CTNNA3: variants seen among roughly 807,000 people sequenced by gnomAD.
CTNNA3 encodes catenin alpha-3.
CTNNA3 carries 76 observed loss-of-function variants against 95.7 expected under a neutral mutation model. The ratio of observed to expected loss-of-function variants is 0.79; its 90% confidence interval spans 0.66 to 0.96. CTNNA3 has a LOEUF of 0.96. Among genes scored for constraint, CTNNA3 ranks in the 40% least tolerant of loss-of-function variants. CTNNA3 has a pLI of 0.00. For synonymous variants in CTNNA3, 431 were observed against 374.4 expected, an observed-to-expected ratio of 1.15 and a Z score of -1.74; for missense variants, 1,191 against 1,089.8, an observed-to-expected ratio of 1.09 and a Z score of -1.31.
rs558989789 is a variant in CTNNA3, at chr10:67,758,315, AAT to A, written c.-2+5117_-2+5118del. On this transcript the variant is annotated intron_variant, in intron 1 of 17. Transcript: ENST00000684154. ...ACACACACACACACACATATATATA[AAT>A]ATATATACACACACACACACACACA... Among the ~76,000 whole-genome samples the A allele has an allele frequency of 1.4e-4, 18 of 124,632 alleles. No individual in the cohort carries two copies. The South Asian group carries it at 2.5e-3, about 17-fold the overall frequency. The allele number at this position is 124,632 out of a possible 152,430, so 81.8% of individuals were successfully genotyped here.
chr10:67,257,193 A>C (rs1345873054), intron 5 of CTNNA3, among the ~76,000 whole-genome samples: 1 of 152,220 alleles, frequency 6.6e-6, no homozygotes, highest in Non-Finnish European at 1.5e-5. Flanking sequence ...ATTTAAGACC[A>C]ATGTGTGAGA....
rs114379320 is a variant in CTNNA3, at chr10:67,438,319, C to A, written c.579+83523G>T. Among the ~76,000 whole-genome samples, 763 of 152,254 alleles carry A rather than the reference C, an allele frequency of 5.0e-3. 10 individuals are homozygous for A. The highest frequency in any genetic ancestry group is 0.017 in the African/African-American group (723 of 41,534). On this transcript the variant is annotated intron_variant, in intron 5 of 17. Transcript: ENST00000433211. ...TAGAAATTTTTGAGAGTTTCATTCA[C>A]TGCTGAAATCTCTCAGGACAGTATC... is the stretch of plus-strand genomic sequence containing the variant.
chr10:66,351,695 CA>C (rs965489022), intron 12 of CTNNA3, among the ~76,000 whole-genome samples: 5 of 151,850 alleles, frequency 3.3e-5, no homozygotes, highest in African/African-American at 1.2e-4. Context: ...TGTTTAGTAG[CA>C]TGGAGAATTT....
intron 13 of CTNNA3, among the ~76,000 whole-genome samples, chr10:66,212,683 A>G (rs1236983314): frequency 6.6e-6 from 1 of 152,170 alleles, no homozygotes; most frequent in Non-Finnish European, 1.5e-5. Context: ...TTTCAGGAAA[A>G]TATTAAGAGA....
At chr10:67,179,361 T>C (rs944712643) in intron 7 of CTNNA3, among the ~76,000 whole-genome samples, 3 of 152,082 alleles carry the variant, frequency 2.0e-5, no homozygotes, top group African/African-American at 2.4e-5. Context: ...GGAACAATAG[T>C]TACAGACATT....
At chr10:67,416,941 T>C (rs1472117230) in intron 5 of CTNNA3, among the ~76,000 whole-genome samples, 1 of 152,150 alleles carries the variant, frequency 6.6e-6, no homozygotes, top group Non-Finnish European at 1.5e-5. Flanking sequence ...ATCCCACTAC[T>C]GGGTATATAT....
At chr10:66,633,547 G>C (rs1454947099) in intron 9 of CTNNA3, among the ~76,000 whole-genome samples, 1 of 151,992 alleles carries the variant, frequency 6.6e-6, no homozygotes, top group African/African-American at 2.4e-5. Context: ...GGGTGTGGTG[G>C]CGGGCACTTG....
intron 11 of CTNNA3, among the ~76,000 whole-genome samples, chr10:66,388,539 A>G (rs1055058575): frequency 3.3e-5 from 5 of 152,136 alleles, no homozygotes; most frequent in African/African-American, 1.2e-4. Flanking sequence ...TTGGCTTTGC[A>G]GAAGGTTGTG....
intron 7 of CTNNA3, among the ~76,000 whole-genome samples, chr10:67,024,934 C>A (rs1853261386): frequency 6.6e-6 from 1 of 151,834 alleles, no homozygotes; most frequent in Non-Finnish European, 1.5e-5. Flanking sequence ...AGTTTGAGAC[C>A]AGCCTGACCA....
intron 13 of CTNNA3, among the ~76,000 whole-genome samples, chr10:66,209,609 G>A (rs1403001971): frequency 6.6e-6 from 1 of 152,090 alleles, no homozygotes; most frequent in African/African-American, 2.4e-5. Flanking sequence ...AAACAAAATA[G>A]AGTAGAAAAC....
At chr10:66,601,096 A>G (rs1843906122) in intron 10 of CTNNA3, among the ~76,000 whole-genome samples, 1 of 151,868 alleles carries the variant, frequency 6.6e-6, no homozygotes, top group Admixed American at 6.6e-5. Flanking sequence ...CATTGCAAGA[A>G]TTAAATATGG....
chr10:67,574,248 G>C (rs995500778), intron 3 of CTNNA3, among the ~76,000 whole-genome samples: 7 of 152,170 alleles, frequency 4.6e-5, no homozygotes, highest in Middle Eastern at 3.2e-3. Context: ...ATAACTTTAA[G>C]TCGTATGCTT....
chr10:66,222,612 GAAAGAAAGAA>G (rs1324484235), intron 13 of CTNNA3, among the ~76,000 whole-genome samples: 17 of 62,772 alleles, frequency 2.7e-4, no homozygotes, highest in South Asian at 6.5e-4. Context: ...AAGAAAGAAA[GAAAGAAAGAA>G]AAAGAAAGAA....
intron 9 of CTNNA3, among the ~76,000 whole-genome samples, chr10:66,650,470 A>G (rs547634098): frequency 2.6e-5 from 4 of 152,338 alleles, no homozygotes; most frequent in South Asian, 4.2e-4. Context: ...ATTTTGAGAT[A>G]AGTGAAAAGA....
chr10:67,041,490 G>A (rs1278100149), intron 7 of CTNNA3, among the ~76,000 whole-genome samples: 1 of 152,076 alleles, frequency 6.6e-6, no homozygotes, highest in South Asian at 2.1e-4. Flanking sequence ...TATTCCTAAA[G>A]CTTTCTTCCA....
intron 5 of CTNNA3, among the ~76,000 whole-genome samples, chr10:67,314,257 A>T (rs950274141): frequency 3.4e-4 from 52 of 152,338 alleles, no homozygotes; most frequent in African/African-American, 1.3e-3. Flanking sequence ...ACGGCTAGGA[A>T]ATCAGTTTCA....
At chr10:66,985,144 C>T (rs991849023) in intron 7 of CTNNA3, among the ~76,000 whole-genome samples, 3 of 152,154 alleles carry the variant, frequency 2.0e-5, no homozygotes, top group Admixed American at 2.0e-4. Flanking sequence ...TCTAATACTT[C>T]ACCACAAAGG....
chr10:66,982,887 A>T (rs10997468), intron 7 of CTNNA3, among the ~76,000 whole-genome samples: 2 of 152,114 alleles, frequency 1.3e-5, no homozygotes, highest in Non-Finnish European at 2.9e-5. Flanking sequence ...GAAGAAGGGG[A>T]GAAGCATAAG....
At chr10:67,493,908 A>G (rs1033305585) in intron 5 of CTNNA3, among the ~76,000 whole-genome samples, 1 of 152,210 alleles carries the variant, frequency 6.6e-6, no homozygotes, top group Non-Finnish European at 1.5e-5. Flanking sequence ...TGTCGTTTGG[A>G]TCAAACTTTA....
Sources: gnomAD v4.1 joint callset for allele counts (sites outside exome capture counted in the v4.1 genomes callset) on GRCh38, gnomAD v4.1.1 for gene constraint, MANE v1.5 for transcripts, NCBI Gene and HGNC (gene_info 2026-07-23, HGNC 2026-07-21) for gene names.